Variants in CHN2 observed in about 807,000 individuals in gnomAD.
CHN2 encodes beta-chimaerin.
Under a neutral mutation model 56.3 loss-of-function variants are expected in CHN2, and 35 were observed. That is an observed-to-expected ratio of 0.62 (90% CI 0.47 to 0.82). The LOEUF is 0.82. Ranked by LOEUF, CHN2 falls within the 40% of genes least tolerant of loss-of-function variation. CHN2 has a pLI of 0.00. For missense variants in CHN2, 491 were observed against 580.5 expected, an observed-to-expected ratio of 0.85 and a Z score of 1.58; for synonymous variants, 210 against 212.8, an observed-to-expected ratio of 0.99 and a Z score of 0.12.
chr7:29,423,273 C>T (rs934404735), intron 6 of CHN2, among the ~76,000 whole-genome samples: 1 of 152,242 alleles, frequency 6.6e-6, no homozygotes, highest in African/African-American at 2.4e-5. Flanking sequence ...ACTGCCCCTG[C>T]ACCCCGCAGG....
intron 2 of CHN2, among the ~76,000 whole-genome samples, chr7:29,163,122 A>G (rs925379527): frequency 6.6e-6 from 1 of 152,250 alleles, no homozygotes; most frequent in African/African-American, 2.4e-5. Flanking sequence ...TGAGTCTGTA[A>G]TTATTTCAAA....
In CHN2 at chr7:29,425,550, C is replaced by T. The variant is rs1415996209; in HGVS notation, c.576+24722C>T. Reference sequence around the variant, plus strand: ...AAAAATTCTTCTTAGAAGCTGGTTTCCACTTATCTTATGGATCCTAAGAAT... The same window carrying T: ...AAAAATTCTTCTTAGAAGCTGGTTTTCACTTATCTTATGGATCCTAAGAAT... On this transcript the variant is annotated intron_variant, in intron 6 of 12. Transcript: ENST00000222792. Among the ~76,000 whole-genome samples, 4 of 152,282 alleles carry T rather than the reference C, an allele frequency of 2.6e-5. No individual in the cohort carries two copies. In the South Asian group the frequency reaches 8.3e-4, roughly 32 times the overall value.
intron 1 of CHN2, among the ~76,000 whole-genome samples, chr7:29,342,153 C>T (rs1797087291): frequency 6.6e-6 from 1 of 152,162 alleles, no homozygotes; most frequent in South Asian, 2.1e-4. Flanking sequence ...TGGTACAGTG[C>T]CTGGCACATA....
At chr7:29,425,360 C>T (rs1434178578) in intron 6 of CHN2, among the ~76,000 whole-genome samples, 4 of 152,184 alleles carry the variant, frequency 2.6e-5, no homozygotes, top group African/African-American at 4.8e-5. Context: ...GGAGGAGACA[C>T]GGAGCAGACC....
At chr7:29,349,301 G>C (rs941670473) in intron 1 of CHN2, among the ~76,000 whole-genome samples, 14 of 152,136 alleles carry the variant, frequency 9.2e-5, no homozygotes, top group African/African-American at 3.4e-4. Context: ...TACAGATTAA[G>C]CATTATAAAT....
At chr7:29,395,921 A>G (rs1452919059) in intron 4 of CHN2, among the ~76,000 whole-genome samples, 3 of 152,214 alleles carry the variant, frequency 2.0e-5, no homozygotes, top group Admixed American at 1.3e-4. Flanking sequence ...AATTTATTAT[A>G]TATTCCAAAA....
intron 1 of CHN2, among the ~76,000 whole-genome samples, chr7:29,345,866 T>A (rs1404260524): frequency 6.6e-6 from 1 of 152,114 alleles, no homozygotes; most frequent in Admixed American, 6.5e-5. Flanking sequence ...GAAAGTCACT[T>A]ACTTCCCTTG....
intron 6 of CHN2, among the ~76,000 whole-genome samples, chr7:29,417,154 A>T (rs1803840858): frequency 6.6e-6 from 1 of 152,036 alleles, no homozygotes; most frequent in Non-Finnish European, 1.5e-5. Context: ...GCTGCGCCTC[A>T]CTCAGTTCTG....
At chr7:29,262,664 T>C (rs1311474022) in intron 1 of CHN2, among the ~76,000 whole-genome samples, 3 of 152,208 alleles carry the variant, frequency 2.0e-5, no homozygotes, top group Non-Finnish European at 4.4e-5. Context: ...TTAATGGGTG[T>C]AGACTTTCAG....
intron 1 of CHN2, among the ~76,000 whole-genome samples, chr7:29,274,636 G>T (rs570883998): frequency 1.2e-4 from 18 of 149,500 alleles, no homozygotes. Flanking sequence ...GTCTATGCCC[G>T]CTGGAGAGAA....
At chr7:29,151,891 G>C (rs245893) in intron 2 of CHN2, among the ~76,000 whole-genome samples, 85,215 of 152,142 alleles carry the variant, frequency 0.56, 24,704 homozygotes, top group African/African-American at 0.72. Context: ...ATAGCAAGCA[G>C]GTCATTCACT....
rs536760550 is a variant in CHN2, at chr7:29,372,782, C to T, written c.144+4795C>T. 2.6e-5 allele frequency among the ~76,000 whole-genome samples: 4 copies of T among 152,286 alleles called. No individual in the cohort carries two copies. The South Asian group carries it at 6.2e-4, about 24-fold the overall frequency. ...TTTTTTCCTGGACTAATCCAAGTTT[C>T]TTCTTGGCCTCTCCAAAAGGCCAAA... is the stretch of plus-strand genomic sequence containing the variant. On this transcript the variant is annotated intron_variant, in intron 3 of 12. Coordinates refer to ENST00000222792, the MANE Select transcript of CHN2 (RefSeq NM_004067.4).
In CHN2 at chr7:29,279,857, C is replaced by A. The variant is rs11981152; in HGVS notation, c.50-74768C>A. ...AAAGATCTTAAGTAAAAGAGAAATGCAATCAAGTCTGTTTTAGCAAAATGA... is the reference window on the plus strand; with the variant it reads ...AAAGATCTTAAGTAAAAGAGAAATGAAATCAAGTCTGTTTTAGCAAAATGA... On this transcript the variant is annotated intron_variant, in intron 1 of 12. Coordinates refer to ENST00000222792, the MANE Select transcript of CHN2 (RefSeq NM_004067.4). Among the ~76,000 whole-genome samples, 359 of 152,278 alleles carry A rather than the reference C, an allele frequency of 2.4e-3. 1 individual carries two copies. The highest frequency in any genetic ancestry group is 8.3e-3 in the African/African-American group (347 of 41,562).
At chr7:29,241,482 G>C (rs996522822) in intron 1 of CHN2, among the ~76,000 whole-genome samples, 1 of 151,876 alleles carries the variant, frequency 6.6e-6, no homozygotes, top group African/African-American at 2.4e-5. Context: ...GCACAGGCTG[G>C]TTAGAGATTC....
chr7:29,319,574 G>T (rs1280030309), intron 1 of CHN2, among the ~76,000 whole-genome samples: 1 of 152,130 alleles, frequency 6.6e-6, no homozygotes, highest in Non-Finnish European at 1.5e-5. Flanking sequence ...CAAAATTGTT[G>T]ATTTATATTT....
At chr7:29,437,785 AAGAC>A (rs1783350058) in intron 6 of CHN2, among the ~76,000 whole-genome samples, 1 of 152,048 alleles carries the variant, frequency 6.6e-6, no homozygotes, top group Non-Finnish European at 1.5e-5. Context: ...TAGTCTGAAA[AAGAC>A]AGGAATAAAA....
At chr7:29,330,174 G>C (rs993147208) in intron 1 of CHN2, among the ~76,000 whole-genome samples, 1 of 152,174 alleles carries the variant, frequency 6.6e-6, no homozygotes. Context: ...TTCCACCTCA[G>C]TGTATGTTCA....
chr7:29,369,837 C>T (rs1195113518), intron 3 of CHN2, among the ~76,000 whole-genome samples: 7 of 152,176 alleles, frequency 4.6e-5, no homozygotes, highest in Non-Finnish European at 8.8e-5. Flanking sequence ...ATATGGTGCC[C>T]ATGTCTCTTG....
chr7:29,461,860 ATG>A (rs1785188620), intron 6 of CHN2, among the ~76,000 whole-genome samples: 7 of 152,042 alleles, frequency 4.6e-5, no homozygotes, highest in African/African-American at 7.2e-5. Context: ...GGATGGATGG[ATG>A]GATGGATGGA....
Sources: gnomAD v4.1 joint callset for allele counts (sites outside exome capture counted in the v4.1 genomes callset) on GRCh38, gnomAD v4.1.1 for gene constraint, MANE v1.5 for transcripts, NCBI Gene and HGNC (gene_info 2026-07-23, HGNC 2026-07-21) for gene names.